Variants in PRKG1 observed in about 807,000 individuals in gnomAD.
The protein encoded by PRKG1 is cGMP-dependent protein kinase 1.
PRKG1 carries 35 observed loss-of-function variants against 88.1 expected under a neutral mutation model. The ratio of observed to expected loss-of-function variants is 0.40; its 90% CI spans 0.30 to 0.53. The LOEUF (loss-of-function observed/expected upper bound fraction) is 0.53, where lower values mean the gene tolerates loss of function less well. Ranked by LOEUF, PRKG1 falls within the 20% of genes least tolerant of loss-of-function variation. The pLI is 0.59. For synonymous variants in PRKG1, 303 were observed against 292.5 expected (o/e 1.04, Z -0.37); for missense variants, 540 against 839.8 (o/e 0.64, Z 4.41).
intron 3 of PRKG1, among the ~76,000 whole-genome samples, chr10:51,583,995 A>G (rs576173330): frequency 1.6e-4 from 24 of 152,242 alleles, no homozygotes; most frequent in African/African-American, 5.8e-4. Context: ...TCCACAGAGC[A>G]TAATCTACCT....
At chr10:51,185,054 A>C (rs1837450268) in intron 2 of PRKG1, among the ~76,000 whole-genome samples, 1 of 152,142 alleles carries the variant, frequency 6.6e-6, no homozygotes, top group Non-Finnish European at 1.5e-5. Context: ...GTGACATCTC[A>C]CATCATCAAG....
intron 9 of PRKG1, among the ~76,000 whole-genome samples, chr10:52,183,964 G>A (rs1459701208): frequency 6.6e-6 from 1 of 152,086 alleles, no homozygotes. Flanking sequence ...CTGTCTCCAG[G>A]TCAATCCAAT....
At chr10:51,501,601 G>T (rs1233103596) in intron 3 of PRKG1, among the ~76,000 whole-genome samples, 1 of 152,034 alleles carries the variant, frequency 6.6e-6, no homozygotes, top group East Asian at 1.9e-4. Flanking sequence ...GTTTGTGCTG[G>T]CTCCTTGTCC....
At chr10:51,554,043 TGTGC>T (rs1386663753) in intron 3 of PRKG1, among the ~76,000 whole-genome samples, 15 of 136,512 alleles carry the variant, frequency 1.1e-4, no homozygotes, top group South Asian at 2.3e-4. Flanking sequence ...ATATATTATA[TGTGC>T]GTATGTGATA....
At chr10:51,580,527 C>T (rs902387116) in intron 3 of PRKG1, among the ~76,000 whole-genome samples, 5 of 151,958 alleles carry the variant, frequency 3.3e-5, no homozygotes, top group Non-Finnish European at 5.9e-5. Context: ...ATTTTAAAAA[C>T]ATTATTAAGC....
chr10:51,953,025 G>A (rs1843221716), intron 5 of PRKG1, among the ~76,000 whole-genome samples: 1 of 152,104 alleles, frequency 6.6e-6, no homozygotes, highest in South Asian at 2.1e-4. Context: ...AATGCCCTTT[G>A]CTCAAATGCA....
intron 3 of PRKG1, among the ~76,000 whole-genome samples, chr10:51,669,596 G>A (rs184585969): frequency 4.6e-5 from 7 of 152,240 alleles, no homozygotes; most frequent in Admixed American, 1.3e-4. Context: ...CTAACAATAA[G>A]CATCCAATTG....
At chr10:52,022,811 G>T (rs894851858) in intron 5 of PRKG1, among the ~76,000 whole-genome samples, 1 of 152,068 alleles carries the variant, frequency 6.6e-6, no homozygotes, top group African/African-American at 2.4e-5. Context: ...TAAAAATCAG[G>T]AAATAGCAAA....
intron 2 of PRKG1, among the ~76,000 whole-genome samples, chr10:51,176,322 T>C (rs1172967497): frequency 6.6e-6 from 1 of 152,142 alleles, no homozygotes; most frequent in Non-Finnish European, 1.5e-5. Flanking sequence ...TTCTCTTTGA[T>C]GCATTTTGCC....
intron 2 of PRKG1, among the ~76,000 whole-genome samples, chr10:51,445,825 G>A (rs922823915): frequency 6.6e-6 from 1 of 151,658 alleles, no homozygotes; most frequent in Non-Finnish European, 1.5e-5. Flanking sequence ...GTTAAAAATA[G>A]CCTTGCAGCT....
At position 52,251,430 on chromosome 10, in the gene PRKG1, G is replaced by A. The variant is rs1841166252; in HGVS notation, c.1077-140G>A. On this transcript the variant is annotated intron_variant, in intron 9 of 17. Coordinates refer to ENST00000373980, the MANE Select transcript of PRKG1 (RefSeq NM_006258.4). ...TGGGACCAAAAAATTATGAGTGTGA[G>A]AAAACACAAACTCTAAAAGCAAGAT... 8 of 659,240 alleles carry A rather than the reference G, an allele frequency of 1.2e-5. No individual in the cohort carries two copies. In the South Asian group the frequency reaches 1.7e-4, roughly 14 times the overall value. 40.8% of individuals were successfully genotyped at this position (659,240 alleles called of 1,614,324 possible).
intron 2 of PRKG1, among the ~76,000 whole-genome samples, chr10:51,409,063 A>G (rs577060506): frequency 9.2e-5 from 14 of 152,256 alleles, no homozygotes; most frequent in African/African-American, 3.4e-4. Context: ...ATTTCTCCTT[A>G]TATGCAAAGT....
At chr10:51,490,658 G>T (rs1423298397) in intron 3 of PRKG1, among the ~76,000 whole-genome samples, 1 of 152,096 alleles carries the variant, frequency 6.6e-6, no homozygotes, top group African/African-American at 2.4e-5. Flanking sequence ...AGAAAGCAAA[G>T]AGAAATACTG....
intron 5 of PRKG1, among the ~76,000 whole-genome samples, chr10:51,954,110 G>A (rs1396026670): frequency 6.6e-6 from 1 of 152,076 alleles, no homozygotes; most frequent in African/African-American, 2.4e-5. Flanking sequence ...CATAAATGTA[G>A]TTATATAAAA....
intron 3 of PRKG1, among the ~76,000 whole-genome samples, chr10:51,632,061 C>T (rs1263988611): frequency 1.3e-5 from 2 of 151,356 alleles, no homozygotes; most frequent in Admixed American, 6.6e-5. Flanking sequence ...TGGCCCAACA[C>T]AAATTTGTAA....
At chr10:52,168,181 G>A (rs541156544) in intron 9 of PRKG1, among the ~76,000 whole-genome samples, 1 of 152,142 alleles carries the variant, frequency 6.6e-6, no homozygotes, top group African/African-American at 2.4e-5. Flanking sequence ...GTCCAGTGGG[G>A]GACTGAGGCA....
intron 4 of PRKG1, among the ~76,000 whole-genome samples, chr10:51,834,835 A>G (rs1176418848): frequency 1.3e-5 from 2 of 152,256 alleles, no homozygotes; most frequent in East Asian, 3.9e-4. Context: ...TCCACACCCA[A>G]GGTCATCACA....
At chr10:51,336,736 A>G (rs1841885516) in intron 2 of PRKG1, among the ~76,000 whole-genome samples, 1 of 152,210 alleles carries the variant, frequency 6.6e-6, no homozygotes. Context: ...GGGGCAGACC[A>G]GTAATAAATG....
chr10:51,907,673 T>A, intron 5 of PRKG1, 103 bp downstream of exon 5: 4 of 1,032,658 alleles, frequency 3.9e-6, no homozygotes, highest in Non-Finnish European at 5.8e-6. Context: ...CAGAGATCTT[T>A]AAAAAATTTC....
Sources: gnomAD v4.1 joint callset for allele counts (sites outside exome capture counted in the v4.1 genomes callset) on GRCh38, gnomAD v4.1.1 for gene constraint, MANE v1.5 for transcripts, NCBI Gene and HGNC (gene_info 2026-07-23, HGNC 2026-07-21) for gene names.